The following PPP1R12A variants were observed in gnomAD, a reference collection of about 807,000 sequenced individuals.
The protein encoded by PPP1R12A is myosin binding subunit.
In PPP1R12A, 19 loss-of-function variants were observed where a neutral mutation model predicts 139.6. The observed-to-expected ratio is 0.14, with a 90% CI of 0.09 to 0.20. PPP1R12A has a LOEUF of 0.20. PPP1R12A is among the 10% of genes least tolerant of loss of function. The pLI is 1.00. For missense variants in PPP1R12A, 925 were observed against 1,211.5 expected (o/e 0.76, Z 3.51); for synonymous variants, 427 against 420.6 (o/e 1.02, Z -0.19).
intron 6 of PPP1R12A, 34 bp from the exon 7 acceptor site, chr12:79,821,200 AACTATTAAGAT>A: frequency 6.9e-7 from 1 of 1,447,108 alleles, no homozygotes; most frequent in South Asian, 1.2e-5. Flanking sequence ...AAAATAAGAA[AACTATTAAGAT>A]ACTATTACTA....
At position 79,781,804 on chromosome 12, in the gene PPP1R12A, G is replaced by T. The variant is rs1393345749; in HGVS notation, c.2955+11C>A. On this transcript the variant is annotated intron_variant, in intron 23 of 24. Transcript: ENST00000450142. ...AGAAAAAAATAATTATTTAATAAGT[G>T]GGACACTTACCCTTTTTTCCATTTC... 2 of 1,482,440 alleles carry T rather than the reference G, an allele frequency of 1.3e-6. No homozygotes were observed. The highest frequency in any genetic ancestry group is 1.3e-5 in the South Asian group (1 of 76,596). 91.8% of individuals were successfully genotyped at this position (1,482,440 alleles called of 1,614,324 possible). A position where few individuals can be genotyped will look rare whatever the true frequency, so the allele number is the denominator to read the frequency against.
intron 3 of PPP1R12A, among the ~76,000 whole-genome samples, chr12:79,833,726 A>T (rs61261140): frequency 6.6e-6 from 1 of 151,512 alleles, no homozygotes; most frequent in Non-Finnish European, 1.5e-5. Context: ...AGTCCCAGCT[A>T]CTTGGGAGGC....
chr12:79,786,888 C>G (rs1296527074), intron 21 of PPP1R12A: 1 of 153,246 alleles, frequency 6.5e-6, no homozygotes, highest in Non-Finnish European at 1.5e-5. Context: ...GACGGAGTAC[C>G]AGCTGTATTT....
chr12:79,805,376 C>CA (rs1873700746), intron 14 of PPP1R12A, among the ~76,000 whole-genome samples: 1 of 152,072 alleles, frequency 6.6e-6, no homozygotes, highest in South Asian at 2.1e-4. Flanking sequence ...TGACTTTAAA[C>CA]AAAAAAACAT....
rs5799439 is a variant in PPP1R12A, at chr12:79,775,717, TAAA to T, written c.*209_*211del. 10 of 253,590 alleles carry T rather than the reference TAAA, an allele frequency of 3.9e-5. No homozygotes were observed. Among genetic ancestry groups the T allele is most frequent in the South Asian group, 2.1e-4 (2 of 9,732 alleles). The allele number at this position is 253,590 out of a possible 1,614,324, so 15.7% of individuals were successfully genotyped here. A position where few individuals can be genotyped will look rare whatever the true frequency, so the allele number is the denominator to read the frequency against. On this transcript the variant is annotated 3_prime_UTR_variant, in exon 25 of 25. Coordinates refer to ENST00000450142, the MANE Select transcript of PPP1R12A (RefSeq NM_002480.3). ...ATTAACATGAAACAATGGTCTTGAT[TAAA>T]AAAAAAAAACAAAAAACAAACCAAC...
intron 2 of PPP1R12A, among the ~76,000 whole-genome samples, chr12:79,869,636 A>G (rs1882350971): frequency 6.6e-6 from 1 of 152,182 alleles, no homozygotes; most frequent in Admixed American, 6.5e-5. Flanking sequence ...ACCAGTAGGG[A>G]ATGTTGGGGA....
At chr12:79,844,288 T>C (rs1476362914) in intron 3 of PPP1R12A, among the ~76,000 whole-genome samples, 1 of 152,164 alleles carries the variant, frequency 6.6e-6, no homozygotes, top group Non-Finnish European at 1.5e-5. Context: ...AGTTTGGATA[T>C]CTAACACGCA....
chr12:79,924,113 TAATA>T (rs1565819445), intron 1 of PPP1R12A, among the ~76,000 whole-genome samples: 1 of 152,148 alleles, frequency 6.6e-6, no homozygotes, highest in Non-Finnish European at 1.5e-5. Context: ...ACTGAAGACT[TAATA>T]ATTACTTATT....
At chr12:79,856,225 T>C (rs1319547125) in intron 2 of PPP1R12A, among the ~76,000 whole-genome samples, 2 of 152,194 alleles carry the variant, frequency 1.3e-5, no homozygotes, top group Non-Finnish European at 2.9e-5. Context: ...ACAAATCCTT[T>C]ACGTTGTAAC....
In PPP1R12A at chr12:79,797,228, T is replaced by A; in HGVS notation, c.2259A>T (p.Glu753Asp). The change falls in exon 16 of 25, where the codon GAA becomes GAT. Residue 753 changes from glutamate to aspartate, a missense_variant. Around this residue, in one of 4 missense-constraint regions of PPP1R12A, gnomAD observed 315 missense variants for 363.4 expected, o/e 0.87. Coordinates refer to ENST00000450142, the MANE Select transcript of PPP1R12A (RefSeq NM_002480.3). ...ACGTTCTGGAGTACTTTTGTTTATA[T>A]TCATCTTCTCTAGATGTTTCTGACT... ...KKESETSRED[E>D]YKQKYSRTYD... is the part of the protein sequence containing the mutation. The A allele has an allele frequency of 6.3e-7, 1 of 1,589,028 alleles. No homozygotes were observed. The highest frequency in any genetic ancestry group is 8.6e-7 in the Non-Finnish European group (1 of 1,167,578).
chr12:79,911,636 ATC>A (rs755498341), intron 1 of PPP1R12A, among the ~76,000 whole-genome samples: 8 of 151,884 alleles, frequency 5.3e-5, no homozygotes, highest in Non-Finnish European at 8.8e-5. Flanking sequence ...CTAGCAAAAT[ATC>A]TGTTTTACCT....
chr12:79,779,758 C>A, intron 23 of PPP1R12A: 1 of 175,302 alleles, frequency 5.7e-6, no homozygotes, highest in Admixed American at 5.6e-5. Flanking sequence ...TCCCTATGAG[C>A]CTCAATTTTA....
chr12:79,822,026 A>G, intron 6 of PPP1R12A, 90 bp downstream of exon 6: 2 of 961,320 alleles, frequency 2.1e-6, no homozygotes, highest in Non-Finnish European at 3.1e-6. Flanking sequence ...ACCAAAAAGT[A>G]CAAAACATCA....
chr12:79,867,842 T>C (rs1362579244), intron 2 of PPP1R12A, among the ~76,000 whole-genome samples: 1 of 152,132 alleles, frequency 6.6e-6, no homozygotes. Flanking sequence ...CTTTCCCCCC[T>C]TTGCTTGGCA....
chr12:79,872,487 G>C (rs1882680158), intron 2 of PPP1R12A, among the ~76,000 whole-genome samples: 3 of 152,110 alleles, frequency 2.0e-5, no homozygotes, highest in African/African-American at 7.2e-5. Context: ...AAAGGAATGA[G>C]TTAGACTGCT....
Position 79,806,162 on chromosome 12 carries a change from T to C in PPP1R12A, c.1823+4A>G. 1 of 1,613,652 alleles carries C rather than the reference T, an allele frequency of 6.2e-7. No homozygotes were observed. The highest frequency in any genetic ancestry group is 8.5e-7 in the Non-Finnish European group (1 of 1,179,626). On this transcript the variant is annotated splice_donor_region_variant and intron_variant, in intron 13 of 24. Transcript: ENST00000450142. ...CCTGAGCACAAAATGTATCTGTGAC[T>C]TACCTGCTTTGTGTGCCTGCTGAGG...
chr12:79,912,643 G>A (rs973093637), intron 1 of PPP1R12A, among the ~76,000 whole-genome samples: 1 of 151,424 alleles, frequency 6.6e-6, no homozygotes, highest in Non-Finnish European at 1.5e-5. Flanking sequence ...GCAGTGAGCC[G>A]TGATTGTGCC....
intron 2 of PPP1R12A, among the ~76,000 whole-genome samples, chr12:79,850,031 T>G (rs1228169785): frequency 2.6e-5 from 4 of 152,130 alleles, no homozygotes; most frequent in Non-Finnish European, 5.9e-5. Flanking sequence ...TCTCCCTTTG[T>G]GGCCCAGGCT....
At chr12:79,786,719 G>A in intron 21 of PPP1R12A, 1 of 292,144 alleles carries the variant, frequency 3.4e-6, no homozygotes, top group Non-Finnish European at 6.3e-6. Flanking sequence ...CAGAAAAATT[G>A]GACTTTTCAG....
Sources: allele counts gnomAD v4.1 joint callset (sites outside exome capture counted in the v4.1 genomes callset), GRCh38; gene constraint gnomAD v4.1.1; regional missense constraint gnomAD v4.1.1; transcripts MANE v1.5; gene names NCBI Gene and HGNC (gene_info 2026-07-23, HGNC 2026-07-21).